The following MTRF1L variants were observed in gnomAD, a reference collection of about 807,000 sequenced individuals.
MTRF1L encodes peptide chain release factor 1-like, mitochondrial.
A neutral mutation model predicts 40.0 loss-of-function variants in MTRF1L; 29 were observed. The ratio of observed to expected loss-of-function variants is 0.73; its 90% confidence interval spans 0.54 to 0.99. The LOEUF is 0.99. Among genes scored for constraint, MTRF1L ranks in the 50% least tolerant of loss-of-function variants. MTRF1L has a pLI of 0.00. For missense variants in MTRF1L, 412 were observed against 464.5 expected (o/e 0.89, Z 1.04); for synonymous variants, 150 against 175.8 (o/e 0.85, Z 1.16).
At chr6:153,001,239 G>A (rs1415805488) in intron 1 of MTRF1L, among the ~76,000 whole-genome samples, 1 of 152,142 alleles carries the variant, frequency 6.6e-6, no homozygotes, top group Non-Finnish European at 1.5e-5. Flanking sequence ...CTACTTCAGG[G>A]TCACAAAGCT....
At chr6:153,002,094 A>C (rs1379770038) in intron 1 of MTRF1L, among the ~76,000 whole-genome samples, 1 of 152,202 alleles carries the variant, frequency 6.6e-6, no homozygotes. Context: ...TACTACTGCA[A>C]ATGGGTCTCC....
At chr6:152,998,733 T>C in intron 1 of MTRF1L, 104 bp from the exon 2 acceptor site, 5 of 634,142 alleles carry the variant, frequency 7.9e-6, no homozygotes, top group Non-Finnish European at 1.3e-5. Context: ...AAGGGAAAAA[T>C]AAAATGTATA....
At chr6:152,996,309 C>T (rs1386659874) in intron 2 of MTRF1L, among the ~76,000 whole-genome samples, 1 of 152,146 alleles carries the variant, frequency 6.6e-6, no homozygotes, top group Non-Finnish European at 1.5e-5. Context: ...TCTCTCTAGC[C>T]TATGCCAATA....
rs764423680 is a variant in MTRF1L, at chr6:152,989,906, G to A, written c.1132C>T (p.Gln378Ter). 2.7e-5 allele frequency: 43 copies of A among 1,609,594 alleles called. No individual in the cohort carries two copies. Among genetic ancestry groups the A allele is most frequent in the Middle Eastern group, 1.7e-4 (1 of 6,060 alleles). ...DYESLVEIIS[Q>*]KV is the part of the protein sequence containing the mutation. ...AATAACAAATCAACTTAAACTTTTT[G>A]GGAAATAATTTCTACTAAAGATTCA... is the stretch of plus-strand genomic sequence containing the variant. Residue 378 changes from glutamine to a stop codon, truncating the protein, a stop_gained, in exon 7 of 7, where the codon CAA becomes TAA. Coordinates refer to ENST00000367233, the MANE Select transcript of MTRF1L (RefSeq NM_019041.7). LOFTEE classifies it high-confidence loss of function.
intron 1 of MTRF1L, among the ~76,000 whole-genome samples, chr6:152,999,380 A>G (rs537176158): frequency 6.6e-6 from 1 of 152,354 alleles, no homozygotes; most frequent in South Asian, 2.1e-4. Flanking sequence ...ATGCTTATCT[A>G]TTAAGAAACA....
chr6:152,995,075 A>G (rs1778667731), intron 3 of MTRF1L, 61 bp downstream of exon 3: 5 of 1,415,392 alleles, frequency 3.5e-6, no homozygotes, highest in East Asian at 4.7e-5. Flanking sequence ...AAGCCTAGTC[A>G]TGGTCTTTCC....
Position 152,991,266 on chromosome 6 carries a change from A to G in MTRF1L, c.861T>C (p.Ala287=). ...ERSQLKNKEL[A]MTKLRAKLYS... is the part of the protein sequence containing the mutation. ...ACAGTTTTGCACGTAACTTTGTCAT[A>G]GCCAGCTCTTTATTTTTCAGCTGAG... The change falls in exon 6 of 7, where the codon GCT becomes GCC. Residue 287 remains alanine (A), a synonymous_variant. Transcript: ENST00000367233. 3 of 1,603,436 alleles carry G rather than the reference A, an allele frequency of 1.9e-6. No homozygotes were observed. Among genetic ancestry groups the G allele is most frequent in the Non-Finnish European group, 2.6e-6 (3 of 1,176,440 alleles).
Position 152,994,661 on chromosome 6 carries a change from G to C in MTRF1L, c.539C>G (p.Ala180Gly). The C allele has an allele frequency of 1.9e-6, 3 of 1,614,060 alleles. No individual in the cohort carries two copies. The South Asian group carries it at 3.3e-5, about 18-fold the overall frequency. Residue 180 changes from alanine to glycine, a missense_variant, in exon 4 of 7, where the codon GCA becomes GGA. Ala to Gly is a moderately conservative substitution (Grantham distance 60). Coordinates refer to ENST00000367233, the MANE Select transcript of MTRF1L (RefSeq NM_019041.7). Reference sequence around the variant, plus strand: ...TTCTGAACCCCCAATGCTGGCAGATGCATGTCTAAGGCCACCTTGAAAATA... The same window carrying C: ...TTCTGAACCCCCAATGCTGGCAGATCCATGTCTAAGGCCACCTTGAAAATA... ...FPSELGGLRH[A>G]SASIGGSEAY...
At chr6:152,998,468 G>C (rs1264398592) in intron 2 of MTRF1L, 82 bp downstream of exon 2, 2 of 1,009,802 alleles carry the variant, frequency 2.0e-6, no homozygotes, top group East Asian at 5.5e-5. Context: ...TAACAAGCTA[G>C]TCACTTGTTT....
chr6:153,002,002 A>C (rs1008004065), intron 1 of MTRF1L, among the ~76,000 whole-genome samples: 50 of 152,184 alleles, frequency 3.3e-4, no homozygotes, highest in African/African-American at 1.2e-3. Context: ...GGCCATACTG[A>C]ATTTCCCAAT....
intron 2 of MTRF1L, among the ~76,000 whole-genome samples, chr6:152,997,251 C>T (rs1022304836): frequency 6.6e-6 from 1 of 152,048 alleles, no homozygotes; most frequent in Non-Finnish European, 1.5e-5. Context: ...TTATTCATGC[C>T]CTAATTGAAG....
At chr6:153,001,962 T>C (rs1299997809) in intron 1 of MTRF1L, among the ~76,000 whole-genome samples, 1 of 152,246 alleles carries the variant, frequency 6.6e-6, no homozygotes. Flanking sequence ...CATGTTTCTA[T>C]GACATCATCT....
intron 2 of MTRF1L, 143 bp from the exon 3 acceptor site, chr6:152,995,462 T>C: frequency 1.5e-6 from 1 of 660,596 alleles, no homozygotes. Context: ...TTCAACCACC[T>C]TGCCAATTAG....
intron 2 of MTRF1L, among the ~76,000 whole-genome samples, chr6:152,998,120 T>C (rs1322336210): frequency 7.0e-6 from 1 of 142,676 alleles, no homozygotes. Context: ...TCCTTTCATA[T>C]AACCTCTTCT....
At chr6:152,994,829 A>C in intron 3 of MTRF1L, 153 bp from the exon 4 acceptor site, 1 of 1,000,226 alleles carries the variant, frequency 1.0e-6, no homozygotes, top group Non-Finnish European at 1.5e-6. Context: ...CAATGTTTTA[A>C]TATTTATCTT....
Position 152,989,946 on chromosome 6 carries a change from C to T in MTRF1L, c.1092G>A (p.Lys364=). 6.2e-7 allele frequency: 1 copy of T among 1,613,434 alleles called. No homozygotes were observed. Among genetic ancestry groups the T allele is most frequent in the Non-Finnish European group, 8.5e-7 (1 of 1,179,782 alleles). ...CTAAAGATTCATAATCGGCGTATTC[C>T]TTCAATGACTGTACAAGTTCATCCA... The part of the protein sequence containing the change: ...YLLDELVQSL[K]EYADYESLVE... The change falls in exon 7 of 7, where the codon AAG becomes AAA. Residue 364 remains lysine (K), a synonymous_variant. Coordinates refer to ENST00000367233, the MANE Select transcript of MTRF1L (RefSeq NM_019041.7).
At chr6:152,990,664 A>G (rs1224789864) in intron 6 of MTRF1L, 1 of 152,808 alleles carries the variant, frequency 6.5e-6, no homozygotes, top group Non-Finnish European at 1.5e-5. Flanking sequence ...CTCTACTAAA[A>G]ATACAAAAAA....
intron 2 of MTRF1L, among the ~76,000 whole-genome samples, chr6:152,995,786 T>C (rs534402347): frequency 6.6e-6 from 1 of 152,326 alleles, no homozygotes; most frequent in Non-Finnish European, 1.5e-5. Context: ...AAACTTGTAA[T>C]TTTGAAACTA....
chr6:152,991,389 CT>C, intron 5 of MTRF1L, 68 bp from the exon 6 acceptor site: 1 of 1,436,368 alleles, frequency 7.0e-7, no homozygotes, highest in African/African-American at 1.5e-5. Flanking sequence ...TCAAGGAATA[CT>C]TTTCCTCCTC....
Sources: gnomAD v4.1 joint callset for allele counts (sites outside exome capture counted in the v4.1 genomes callset) on GRCh38, gnomAD v4.1.1 for gene constraint, MANE v1.5 for transcripts, NCBI Gene and HGNC (gene_info 2026-07-23, HGNC 2026-07-21) for gene names.